KCNG2: variants seen among roughly 807,000 people sequenced by gnomAD.
KCNG2 encodes the protein voltage-gated potassium channel regulatory subunit KCNG2.
Under a neutral mutation model 12.3 loss-of-function variants are expected in KCNG2, and 7 were observed. The observed-to-expected ratio is 0.57, with a 90% CI of 0.32 to 1.07. KCNG2 has a LOEUF of 1.07. Among genes scored for constraint, KCNG2 ranks in the 50% least tolerant of loss-of-function variants. The probability of loss-of-function intolerance (pLI) is 0.04; values close to 1 mark genes in which losing one functional copy is unlikely to be tolerated. For missense variants in KCNG2, 703 were observed against 726.0 expected (o/e 0.97, Z 0.36); for synonymous variants, 414 against 351.4 (o/e 1.18, Z -1.99).
chr18:79,877,850 C>T (rs1448543053), intron 3 of KCNG2, among the ~76,000 whole-genome samples: 1 of 152,220 alleles, frequency 6.6e-6, no homozygotes, highest in Non-Finnish European at 1.5e-5. Context: ...GGGCTCCCAG[C>T]CCACTTAGTT....
intron 1 of KCNG2, among the ~76,000 whole-genome samples, chr18:79,853,910 G>C (rs981822613): frequency 1.3e-5 from 2 of 152,238 alleles, no homozygotes; most frequent in African/African-American, 4.8e-5. Context: ...CAAGTGGGGA[G>C]CTGGCTCAGG....
chr18:79,895,109 G>C (rs1251662549), intron 3 of KCNG2, among the ~76,000 whole-genome samples: 1 of 151,874 alleles, frequency 6.6e-6, no homozygotes, highest in Non-Finnish European at 1.5e-5. Flanking sequence ...GCTTTTGATT[G>C]GGTTGTTCAC....
chr18:79,889,154 T>C (rs1980659228), intron 3 of KCNG2, among the ~76,000 whole-genome samples: 1 of 152,202 alleles, frequency 6.6e-6, no homozygotes, highest in Non-Finnish European at 1.5e-5. Context: ...AGTTTTTAAT[T>C]TTTATGAAGT....
chr18:79,863,693 G>A lies in KCNG2; in HGVS notation c.26G>A (p.Gly9Asp). 9.0e-7 allele frequency: 1 copy of A among 1,115,568 alleles called. No individual in the cohort carries two copies. Among genetic ancestry groups the A allele is most frequent in the Non-Finnish European group, 1.1e-6 (1 of 892,998 alleles). 69.1% of individuals were successfully genotyped at this position (1,115,568 alleles called of 1,614,324 possible). A position where few individuals can be genotyped will look rare whatever the true frequency, so the allele number is the denominator to read the frequency against. Residue 9 changes from glycine (G) to aspartate (D), a missense_variant, in exon 3 of 4, where the codon GGC becomes GAC. Coordinates refer to ENST00000316249, the MANE Select transcript of KCNG2 (RefSeq NM_012283.2). ...ATGGAGCCATGGCCCTGCTCCCCGG[G>A]CGGCGGCGGCGGGACCCGCGCCCGG... The part of the protein sequence containing the change: MEPWPCSP[G>D]GGGGTRARHV...
chr18:79,886,394 G>A (rs866681024), intron 3 of KCNG2, among the ~76,000 whole-genome samples: 2 of 670 alleles, frequency 3.0e-3, no homozygotes, highest in African/African-American at 3.8e-3. Context: ...ACGTGGGGAC[G>A]GGGACATGGG....
At position 79,884,737 on chromosome 18, in the gene KCNG2, G is replaced by T. The variant is rs1328615376; in HGVS notation, c.625-14303G>T. On this transcript the variant is annotated intron_variant, in intron 3 of 3. Coordinates refer to ENST00000316249, the MANE Select transcript of KCNG2 (RefSeq NM_012283.2). The surrounding 1 kb of genome is among the most constrained non-coding windows in gnomAD (Gnocchi z 5.5). ...TCGTGATGGGGAGCCACGGGGGCAGGGGTCCGCCCGGCTCTGTGTTCCTCG... is the reference window on the plus strand; with the variant it reads ...TCGTGATGGGGAGCCACGGGGGCAGTGGTCCGCCCGGCTCTGTGTTCCTCG... 6.6e-6 allele frequency among the ~76,000 whole-genome samples: 1 copy of T among 152,204 alleles called. No homozygotes were observed.
chr18:79,807,964 C>T (rs370600136), intron 1 of KCNG2, among the ~76,000 whole-genome samples: 4 of 114,096 alleles, frequency 3.5e-5, no homozygotes, highest in East Asian at 2.5e-4. Context: ...CTGCCGGGGC[C>T]GCGCTGACCA....
rs753885107 is a variant in KCNG2, at chr18:79,800,650, G to A, written c.-115+2636G>A. ...ACAGCACTGGCTCCTTCACAGCCGC[G>A]GCTTTCCGGCAGGAGCCTCAGCAGT... is the stretch of plus-strand genomic sequence containing the variant. On this transcript the variant is annotated intron_variant, in intron 1 of 3. Transcript: ENST00000316249. The surrounding 1 kb of genome is among the most constrained non-coding windows in gnomAD (Gnocchi z 4.0). Among the ~76,000 whole-genome samples the A allele has an allele frequency of 2.0e-5, 3 of 152,330 alleles. No individual in the cohort carries two copies. The highest frequency in any genetic ancestry group is 3.9e-4 in the East Asian group (2 of 5,172).
chr18:79,839,262 C>T (rs1031355239), intron 1 of KCNG2, among the ~76,000 whole-genome samples: 23 of 152,296 alleles, frequency 1.5e-4, no homozygotes, highest in African/African-American at 5.1e-4. Flanking sequence ...CCACTGCACT[C>T]CAGCCTGGAC....
Position 79,899,643 on chromosome 18 carries a change from C to A in KCNG2, c.1228C>A (p.Arg410Ser). The A allele has an allele frequency of 6.2e-7, 1 of 1,604,614 alleles. No homozygotes were observed. Among genetic ancestry groups the A allele is most frequent in the South Asian group, 1.1e-5 (1 of 89,538 alleles). ...CACCTCCATCTTCCACACCTTTTCG[C>A]GCTCCTACTCCGAGCTCAAGGAGCA... ...PVTSIFHTFS[R>S]SYSELKEQQQ... Residue 410 changes from arginine (R) to serine (S), a missense_variant, in exon 4 of 4, where the codon CGC (arginine) becomes AGC (serine). Transcript: ENST00000316249.
chr18:79,815,871 A>G (rs34945223), intron 1 of KCNG2, among the ~76,000 whole-genome samples: 49,010 of 152,194 alleles, frequency 0.32, 8,134 homozygotes, highest in South Asian at 0.48. Flanking sequence ...GCTGAGCTGC[A>G]CTGCCACAGG....
intron 1 of KCNG2, among the ~76,000 whole-genome samples, chr18:79,852,715 C>T (rs1848025068): frequency 2.0e-5 from 3 of 152,356 alleles, no homozygotes; most frequent in Admixed American, 1.3e-4. Flanking sequence ...TTGAAGCCAC[C>T]GACGGGGAAT....
chr18:79,866,748 G>T (rs1238772028), intron 3 of KCNG2, among the ~76,000 whole-genome samples: 4 of 59,852 alleles, frequency 6.7e-5, no homozygotes, highest in Non-Finnish European at 1.6e-4. Flanking sequence ...TGTGGTCTGG[G>T]TGCTGAGGTC....
intron 3 of KCNG2, among the ~76,000 whole-genome samples, chr18:79,877,329 G>GCTCCCGGCTCTCAGTGGCCGC (rs1263430247): frequency 1.3e-5 from 2 of 151,782 alleles, no homozygotes. Flanking sequence ...CCAGCGGCTG[G>GCTCCCGGCTCTCAGTGGCCGC]CTCCCGGCTC....
In KCNG2 at chr18:79,876,561, C is replaced by A. The variant is rs115095593; in HGVS notation, c.624+12270C>A. ...CTCGTGACTTGGAACGATTCTGTCC[C>A]GGGAAGGATGCCCTCTTCTGCATCC... On this transcript the variant is annotated intron_variant, in intron 3 of 3. Transcript: ENST00000316249. 1.4e-3 allele frequency among the ~76,000 whole-genome samples: 212 copies of A among 152,350 alleles called. 1 individual carries two copies. The highest frequency in any genetic ancestry group is 4.8e-3 in the African/African-American group (201 of 41,584).
At chr18:79,852,179 A>C (rs972975134) in intron 1 of KCNG2, among the ~76,000 whole-genome samples, 3 of 152,162 alleles carry the variant, frequency 2.0e-5, no homozygotes, top group Non-Finnish European at 4.4e-5. Flanking sequence ...GTGACACTTC[A>C]CTACCGCCAG....
intron 3 of KCNG2, among the ~76,000 whole-genome samples, chr18:79,883,006 T>C (rs1455748496): frequency 2.0e-5 from 3 of 152,122 alleles, no homozygotes; most frequent in Admixed American, 2.0e-4. Flanking sequence ...ACAGAGCGAG[T>C]GTTCAGCCGG....
At chr18:79,806,816 A>T (rs2122990015) in intron 1 of KCNG2, among the ~76,000 whole-genome samples, 1 of 152,314 alleles carries the variant, frequency 6.6e-6, no homozygotes, top group South Asian at 2.1e-4. Flanking sequence ...CTCCACGCAA[A>T]ATTAATAAAG....
chr18:79,817,124 C>T (rs1298603830), intron 1 of KCNG2, among the ~76,000 whole-genome samples: 1 of 148,784 alleles, frequency 6.7e-6, no homozygotes, highest in Admixed American at 6.7e-5. Context: ...TGCCACATGG[C>T]TGTCACGCAG....
Sources: allele counts gnomAD v4.1 joint callset (sites outside exome capture counted in the v4.1 genomes callset), GRCh38; gene constraint gnomAD v4.1.1; non-coding constraint Gnocchi (gnomAD v3.1); transcripts MANE v1.5; gene names NCBI Gene and HGNC (gene_info 2026-07-23, HGNC 2026-07-21).